Variants in KIF5B observed in about 807,000 individuals in gnomAD.
KIF5B encodes kinesin family member 5B.
In KIF5B, 49 loss-of-function variants were observed where a neutral mutation model predicts 132.8. The observed-to-expected ratio is 0.37, with a 90% CI of 0.29 to 0.47. The LOEUF (loss-of-function observed/expected upper bound fraction) is 0.47. Among genes scored for constraint, KIF5B ranks in the 20% least tolerant of loss-of-function variants. The pLI, the probability that KIF5B is intolerant of heterozygous loss-of-function variation, is 1.00. For synonymous variants in KIF5B, 355 were observed against 369.4 expected, an observed-to-expected ratio of 0.96 and a Z score of 0.45; for missense variants, 780 against 1,144.0, an observed-to-expected ratio of 0.68 and a Z score of 4.59.
At chr10:32,026,771 A>T (rs1271783534) in intron 15 of KIF5B, among the ~76,000 whole-genome samples, 2 of 152,160 alleles carry the variant, frequency 1.3e-5, no homozygotes, top group East Asian at 1.9e-4. Flanking sequence ...CTTGAACAAC[A>T]TCTCTCTGGT....
At chr10:32,035,101 T>C (rs1389856233) in intron 10 of KIF5B, among the ~76,000 whole-genome samples, 1 of 152,120 alleles carries the variant, frequency 6.6e-6, no homozygotes, top group Non-Finnish European at 1.5e-5. Flanking sequence ...TTCCAATTTG[T>C]TTGCAAGGCT....
At chr10:32,055,721 A>T (rs1317635139) in intron 1 of KIF5B, 127 bp downstream of exon 1, 2 of 1,315,572 alleles carry the variant, frequency 1.5e-6, no homozygotes, top group Admixed American at 4.8e-5. Context: ...TGAACCGGCA[A>T]ACCCCGCCGG....
At chr10:32,023,059 AAAATT>A (rs770284571) in intron 15 of KIF5B, 23 bp from the exon 16 acceptor site, 1 of 1,455,354 alleles carries the variant, frequency 6.9e-7, no homozygotes, top group Non-Finnish European at 9.3e-7. Context: ...AGTAAAATAA[AAAATT>A]AAAGCCAAAA....
At chr10:32,024,428 A>G (rs1245831637) in intron 15 of KIF5B, among the ~76,000 whole-genome samples, 1 of 147,102 alleles carries the variant, frequency 6.8e-6, no homozygotes, top group African/African-American at 2.5e-5. Context: ...TGCTGGGATT[A>G]CAGGCGTGAG....
chr10:32,035,485 A>G (rs759549533), intron 10 of KIF5B, 37 bp downstream of exon 10: 44 of 1,564,374 alleles, frequency 2.8e-5, no homozygotes, highest in Non-Finnish European at 3.7e-5. Context: ...CAAAAGGTCT[A>G]TCTAAATTTA....
intron 25 of KIF5B, among the ~76,000 whole-genome samples, chr10:32,011,932 A>T (rs1841088366): frequency 8.1e-6 from 1 of 123,508 alleles, no homozygotes; most frequent in Non-Finnish European, 1.9e-5. Context: ...GAAGCTTTAA[A>T]AAAAAAAGGG....
At chr10:32,048,380 G>GA in intron 2 of KIF5B, 84 bp downstream of exon 2, 1 of 895,776 alleles carries the variant, frequency 1.1e-6, no homozygotes, top group Non-Finnish European at 1.7e-6. Context: ...GCATTAAAAT[G>GA]AAAAAAGGAA....
intron 2 of KIF5B, among the ~76,000 whole-genome samples, chr10:32,042,722 G>A (rs755987165): frequency 8.5e-5 from 13 of 152,126 alleles, no homozygotes; most frequent in Non-Finnish European, 1.6e-4. Flanking sequence ...GGACAACTCT[G>A]AACAAGTATT....
intron 17 of KIF5B, among the ~76,000 whole-genome samples, chr10:32,021,613 C>A (rs1398323460): frequency 6.6e-6 from 1 of 151,754 alleles, no homozygotes; most frequent in Non-Finnish European, 1.5e-5. Flanking sequence ...ACACACCCCG[C>A]TTCGTAACTG....
chr10:32,034,743 A>C lies in KIF5B; in HGVS notation c.1058T>G (p.Ile353Ser). ...AAGCCACTGAATAGTGTTCCGCAGG[A>C]TCTTATTTTTTTCTTTTTCTTTTTC... Reference protein sequence around the residue: ...KYEKEKEKNKILRNTIQWLEN... With the variant: ...KYEKEKEKNKSLRNTIQWLEN... Residue 353 changes from isoleucine to serine, a missense_variant, in exon 11 of 26, where the codon ATC (isoleucine) becomes AGC (serine). Around this residue, in one of 9 missense-constraint regions of KIF5B, gnomAD observed 471 missense variants for 569.9 expected, o/e 0.83. Transcript: ENST00000302418. The C allele has an allele frequency of 6.2e-7, 1 of 1,609,248 alleles. No individual in the cohort carries two copies. The highest frequency in any genetic ancestry group is 8.5e-7 in the Non-Finnish European group (1 of 1,177,968).
At chr10:32,018,788 C>G (rs1841216945) in intron 20 of KIF5B, among the ~76,000 whole-genome samples, 1 of 151,960 alleles carries the variant, frequency 6.6e-6, no homozygotes, top group Non-Finnish European at 1.5e-5. Context: ...CAACCTCAAC[C>G]TCCTGGGCTC....
chr10:32,018,355 G>A lies in KIF5B; in HGVS notation c.2400C>T (p.Arg800=), dbSNP rs576649170. Residue 800 remains arginine (R), a synonymous_variant, in exon 22 of 26, where the codon CGC becomes CGT. Transcript: ENST00000302418. ...AKELQTLHNL[R]KLFVQDLATR... ...TAGCCAGGTCCTGAACAAAGAGTTT[G>A]CGCAGGTTGTGTAAAGTCTGAAGTT... The A allele has an allele frequency of 6.6e-7, 1 of 1,522,342 alleles. No homozygotes were observed. The highest frequency in any genetic ancestry group is 1.4e-5 in the South Asian group (1 of 73,502). 94.3% of individuals were successfully genotyped at this position (1,522,342 alleles called of 1,614,324 possible).
chr10:32,019,770 T>C lies in KIF5B; in HGVS notation c.2306+88A>G, dbSNP rs954162874. 3.7e-5 allele frequency: 30 copies of C among 817,012 alleles called. 1 individual carries two copies. The South Asian group carries it at 3.9e-4, about 11-fold the overall frequency. 50.6% of individuals were successfully genotyped at this position (817,012 alleles called of 1,614,324 possible). On this transcript the variant is annotated intron_variant, in intron 20 of 25. Transcript: ENST00000302418. ...CCTTTAGCCCATACAAAGTAAAATA[T>C]GTATCCACTGGCTATATCCAAAGGT... is the stretch of plus-strand genomic sequence containing the variant.
intron 11 of KIF5B, 66 bp from the exon 12 acceptor site, chr10:32,034,104 T>A: frequency 4.9e-6 from 5 of 1,014,724 alleles, no homozygotes; most frequent in Non-Finnish European, 7.1e-6. Flanking sequence ...ATTTCATTCC[T>A]TTAAAAATTT....
In KIF5B at chr10:32,021,435, A is replaced by G. The variant is rs1262091504; in HGVS notation, c.2033-148T>C. 1.6e-5 allele frequency: 10 copies of G among 636,464 alleles called. No homozygotes were observed. In the East Asian group the frequency reaches 2.4e-4, roughly 16 times the overall value. 39.4% of individuals were successfully genotyped at this position (636,464 alleles called of 1,614,324 possible). ...AAATGTCACCTGCTCTCCAAGTTCA[A>G]TGACATGTAGACTAGTATACAAGTT... On this transcript the variant is annotated intron_variant, in intron 17 of 25. Transcript: ENST00000302418.
chr10:32,044,996 G>A (rs935075832), intron 2 of KIF5B, among the ~76,000 whole-genome samples: 13 of 152,174 alleles, frequency 8.5e-5, no homozygotes, highest in Non-Finnish European at 1.9e-4. Context: ...GGAAGCAAAC[G>A]ATTTCATCTT....
Position 32,031,220 on chromosome 10 carries a change from T to C in KIF5B, c.1434A>G (p.Gln478=). ...DNMQAELNRL[Q]AENDASKEEV... Reference sequence around the variant, plus strand: ...CTTCTTTAGAGGCATCATTTTCTGCTTGAAGGCGATTCAGCTCAGCTTGCA... The same window carrying C: ...CTTCTTTAGAGGCATCATTTTCTGCCTGAAGGCGATTCAGCTCAGCTTGCA... Residue 478 remains glutamine (Q), a synonymous_variant, in exon 14 of 26, where the codon CAA becomes CAG. Transcript: ENST00000302418. 3 of 1,614,096 alleles carry C rather than the reference T, an allele frequency of 1.9e-6. No individual in the cohort carries two copies. Among genetic ancestry groups the C allele is most frequent in the Non-Finnish European group, 2.5e-6 (3 of 1,180,012 alleles).
At chr10:32,015,414 A>G (rs923427440) in intron 25 of KIF5B, 95 bp downstream of exon 25, 30 of 906,856 alleles carry the variant, frequency 3.3e-5, no homozygotes, top group African/African-American at 6.8e-5. Context: ...TAAAAAAATC[A>G]TAACACTAAT....
intron 25 of KIF5B, among the ~76,000 whole-genome samples, chr10:32,015,190 T>A (rs1168779639): frequency 6.6e-6 from 1 of 151,436 alleles, no homozygotes; most frequent in Non-Finnish European, 1.5e-5. Flanking sequence ...TTTTTGAAAA[T>A]TTCAATTATG....
Sources: gnomAD v4.1 joint callset for allele counts (sites outside exome capture counted in the v4.1 genomes callset) on GRCh38, gnomAD v4.1.1 for gene constraint, gnomAD v4.1.1 regional missense constraint, MANE v1.5 for transcripts, NCBI Gene and HGNC (gene_info 2026-07-23, HGNC 2026-07-21) for gene names.